TIAM2: variants seen among roughly 807,000 people sequenced by gnomAD.
TIAM2 encodes rho guanine nucleotide exchange factor TIAM2.
TIAM2 carries 80 observed loss-of-function variants against 152.9 expected under a neutral mutation model. The ratio of observed to expected loss-of-function variants is 0.52; its 90% CI spans 0.44 to 0.63. The LOEUF is 0.63. Ranked by LOEUF, TIAM2 falls within the 30% of genes least tolerant of loss-of-function variation. The probability of loss-of-function intolerance (pLI) is 0.00; values close to 1 mark genes in which losing one functional copy is unlikely to be tolerated. For missense variants in TIAM2, 1,965 were observed against 2,120.1 expected (o/e 0.93, Z 1.44); for synonymous variants, 804 against 838.0 (o/e 0.96, Z 0.70).
chr6:155,172,686 ATTTTTTTTTTTTTT>A (rs113165280), intron 9 of TIAM2, among the ~76,000 whole-genome samples: 4 of 19,640 alleles, frequency 2.0e-4, no homozygotes, highest in African/African-American at 6.8e-4. Context: ...ATATATATAT[ATTTTTTTTTTTTTT>A]TTTTTTTTTT....
chr6:155,009,091 CTTTTTTTTTTTT>C (rs61651734), intron 1 of TIAM2, among the ~76,000 whole-genome samples: 5 of 61,468 alleles, frequency 8.1e-5, no homozygotes, highest in South Asian at 1.1e-3. Context: ...CTCAGAAGAT[CTTTTTTTTTTTT>C]TTTTTTTTTT....
chr6:155,127,489 G>A lies in TIAM2; in HGVS notation c.-117-1G>A, dbSNP rs1779323040. The A allele has an allele frequency of 2.3e-6, 1 of 436,904 alleles. No individual in the cohort carries two copies. The highest frequency in any genetic ancestry group is 4.6e-6 in the Non-Finnish European group (1 of 219,400). The allele number at this position is 436,904 out of a possible 1,614,324, so 27.1% of individuals were successfully genotyped here. A position where few individuals can be genotyped will look rare whatever the true frequency, so the allele number is the denominator to read the frequency against. ...AGTTTTCTTGCGTTTCTGTTTTTCA[G>A]GCTCACTTCATGGACTCACTTTGCG... On this transcript the variant is annotated splice_acceptor_variant, in intron 2 of 26. Coordinates refer to ENST00000682666, the MANE Select transcript of TIAM2 (RefSeq NM_012454.4). LOFTEE classifies it low-confidence loss of function (5UTR_SPLICE).
intron 5 of TIAM2, among the ~76,000 whole-genome samples, chr6:155,142,822 G>A (rs933149188): frequency 6.6e-6 from 1 of 152,232 alleles, no homozygotes; most frequent in Admixed American, 6.5e-5. Context: ...AAAGTACCAT[G>A]GAGGGAGAAA....
intron 1 of TIAM2, among the ~76,000 whole-genome samples, chr6:155,011,037 T>C (rs2114848071): frequency 7.6e-6 from 1 of 131,676 alleles, no homozygotes; most frequent in African/African-American, 2.5e-5. Flanking sequence ...AGAGTGAAAC[T>C]CTGTCTCAAA....
At chr6:155,227,439 T>C (rs1394979071) in intron 15 of TIAM2, among the ~76,000 whole-genome samples, 2 of 152,228 alleles carry the variant, frequency 1.3e-5, no homozygotes, top group Non-Finnish European at 2.9e-5. Context: ...AATTCAGAGA[T>C]GTCAACTAGC....
chr6:155,114,037 T>TATATATATATA (rs1381031482), intron 2 of TIAM2, among the ~76,000 whole-genome samples: 603 of 28,228 alleles, frequency 0.021, 13 homozygotes, highest in Non-Finnish European at 0.032. Flanking sequence ...TATATATATA[T>TATATATATATA]TTTTTTTTTT....
intron 1 of TIAM2, among the ~76,000 whole-genome samples, chr6:155,025,519 A>G (rs1776584508): frequency 6.6e-6 from 1 of 151,888 alleles, no homozygotes; most frequent in South Asian, 2.1e-4. Context: ...GGGTTTCACC[A>G]TGTTGGCCAG....
At chr6:155,042,274 TAA>T (rs1399033075) in intron 1 of TIAM2, among the ~76,000 whole-genome samples, 3 of 151,622 alleles carry the variant, frequency 2.0e-5, no homozygotes, top group African/African-American at 4.9e-5. Flanking sequence ...CAGGGCTTGG[TAA>T]GTTTGGCCTA....
intron 1 of TIAM2, among the ~76,000 whole-genome samples, chr6:155,068,853 G>A (rs1202354026): frequency 1.3e-5 from 2 of 152,152 alleles, no homozygotes; most frequent in African/African-American, 4.8e-5. Flanking sequence ...CCTTCTTCAG[G>A]AAATGCTGAG....
At chr6:155,256,060 A>G in intron 26 of TIAM2, 1 of 216,954 alleles carries the variant, frequency 4.6e-6, no homozygotes, top group South Asian at 7.1e-5. Flanking sequence ...TTGAGCAGCA[A>G]GGGAAATCCA....
intron 1 of TIAM2, among the ~76,000 whole-genome samples, chr6:155,067,537 C>T (rs1360015943): frequency 2.0e-5 from 3 of 152,192 alleles, no homozygotes; most frequent in African/African-American, 7.2e-5. Flanking sequence ...GCTCTGAGTT[C>T]TTGCCCCTCC....
At position 155,144,626 on chromosome 6, in the gene TIAM2, G is replaced by A; in HGVS notation, c.1651G>A (p.Glu551Lys). 1 of 1,548,544 alleles carries A rather than the reference G, an allele frequency of 6.5e-7. No individual in the cohort carries two copies. The highest frequency in any genetic ancestry group is 8.7e-7 in the Non-Finnish European group (1 of 1,154,974). The change falls in exon 6 of 27, where the codon GAG (glutamate) becomes AAG (lysine). Residue 551 changes from glutamate to lysine, a missense_variant. Glu to Lys is a moderately conservative substitution (Grantham distance 56). Around this residue, in one of 3 missense-constraint regions of TIAM2, gnomAD observed 1,025 missense variants for 1,119.4 expected, o/e 0.92. Coordinates refer to ENST00000682666, the MANE Select transcript of TIAM2 (RefSeq NM_012454.4). ...CACAGGATGCACGCTGCTGTTTTAT[G>A]AGACCTATGGGAAGAATTCCATGGA... is the stretch of plus-strand genomic sequence containing the variant. ...TLKGCTLLFY[E>K]TYGKNSMDQS...
chr6:155,243,120 T>A lies in TIAM2; in HGVS notation c.3349-891T>A, dbSNP rs576944633. Among the ~76,000 whole-genome samples the A allele has an allele frequency of 3.3e-5, 5 of 152,322 alleles. No homozygotes were observed. The East Asian group carries it at 7.7e-4, about 23-fold the overall frequency. ...GTCTACTCCCACTATACTGTCCTGC[T>A]GGAACCTCGTTTGCAAGACAGCCAA... is the stretch of plus-strand genomic sequence containing the variant. On this transcript the variant is annotated intron_variant, in intron 16 of 26. Coordinates refer to ENST00000682666, the MANE Select transcript of TIAM2 (RefSeq NM_012454.4).
At chr6:155,221,410 A>G (rs1026086997) in intron 15 of TIAM2, among the ~76,000 whole-genome samples, 2 of 152,140 alleles carry the variant, frequency 1.3e-5, no homozygotes, top group African/African-American at 4.8e-5. Flanking sequence ...CCACACAAAG[A>G]TTTGACTGAG....
At chr6:155,206,604 G>C (rs146668225) in intron 14 of TIAM2, among the ~76,000 whole-genome samples, 1 of 152,140 alleles carries the variant, frequency 6.6e-6, no homozygotes, top group South Asian at 2.1e-4. Flanking sequence ...GTGGCACCTT[G>C]TACTTGGTGG....
chr6:155,164,550 C>T lies in TIAM2; in HGVS notation c.2164C>T (p.Leu722=). The T allele has an allele frequency of 6.2e-7, 1 of 1,614,112 alleles. No homozygotes were observed. The change falls in exon 8 of 27, where the codon CTG becomes TTG. Residue 722 remains leucine, a synonymous_variant. Coordinates refer to ENST00000682666, the MANE Select transcript of TIAM2 (RefSeq NM_012454.4). ...TGCAGCCGCCAGCCGCCCCTCCAAG[C>T]TGGCCCTCGGCAGGCTGGGCATCTT... ...LLAAASRPSK[L]ALGRLGILSV...
At chr6:155,126,186 A>T (rs1484537654) in intron 2 of TIAM2, among the ~76,000 whole-genome samples, 1 of 152,244 alleles carries the variant, frequency 6.6e-6, no homozygotes, top group East Asian at 1.9e-4. Context: ...CGTGGATGAA[A>T]CTTGAGGGCA....
chr6:155,044,583 G>C (rs1301417952), intron 1 of TIAM2, among the ~76,000 whole-genome samples: 2 of 152,190 alleles, frequency 1.3e-5, no homozygotes, highest in Non-Finnish European at 2.9e-5. Context: ...TTGGGAGGCA[G>C]AGGTGGGTGG....
intron 18 of TIAM2, 97 bp from the exon 19 acceptor site, chr6:155,245,526 A>T: frequency 9.9e-7 from 1 of 1,007,354 alleles, no homozygotes; most frequent in Non-Finnish European, 1.6e-6. Flanking sequence ...CATTAGTGCT[A>T]TGGAATCTGA....
Sources: allele counts gnomAD v4.1 joint callset (sites outside exome capture counted in the v4.1 genomes callset), GRCh38; gene constraint gnomAD v4.1.1; regional missense constraint gnomAD v4.1.1; transcripts MANE v1.5; gene names NCBI Gene and HGNC (gene_info 2026-07-23, HGNC 2026-07-21).